The following REC114 variants were observed in gnomAD, a reference collection of about 807,000 sequenced individuals.
REC114 encodes meiotic recombination protein REC114.
A neutral mutation model predicts 31.3 loss-of-function variants in REC114; 27 were observed. That is an observed-to-expected ratio of 0.86 (90% CI 0.64 to 1.19). The LOEUF (loss-of-function observed/expected upper bound fraction) is 1.19. Ranked by LOEUF, REC114 falls within the 50% of genes most tolerant of loss-of-function variation. The pLI is 0.00. For synonymous variants in REC114, 134 were observed against 127.7 expected (o/e 1.05, Z -0.33); for missense variants, 344 against 326.9 (o/e 1.05, Z -0.40).
intron 3 of REC114, among the ~76,000 whole-genome samples, chr15:73,543,241 T>A (rs1894263827): frequency 1.3e-5 from 2 of 152,334 alleles, no homozygotes; most frequent in Middle Eastern, 3.4e-3. Context: ...TGTGTAGCTA[T>A]ATAATTTTAT....
intron 2 of REC114, among the ~76,000 whole-genome samples, chr15:73,493,267 T>C (rs1893470907): frequency 6.6e-6 from 1 of 152,158 alleles, no homozygotes; most frequent in African/African-American, 2.4e-5. Flanking sequence ...AAGCTCCTTG[T>C]TTATTTATTC....
intron 1 of REC114, among the ~76,000 whole-genome samples, chr15:73,462,710 C>G (rs565118129): frequency 4.0e-5 from 6 of 151,888 alleles, no homozygotes; most frequent in Non-Finnish European, 7.4e-5. Context: ...ACGGTGAAAC[C>G]GCATCTCCAC....
At chr15:73,500,534 A>G (rs1044617760) in intron 2 of REC114, among the ~76,000 whole-genome samples, 2 of 152,292 alleles carry the variant, frequency 1.3e-5, no homozygotes, top group East Asian at 3.9e-4. Flanking sequence ...CACTGGGGAG[A>G]GATCACGCAT....
At chr15:73,523,251 G>C (rs932697132) in intron 2 of REC114, among the ~76,000 whole-genome samples, 5 of 151,900 alleles carry the variant, frequency 3.3e-5, no homozygotes, top group Non-Finnish European at 5.9e-5. Flanking sequence ...GAATCAGGCA[G>C]CCCCTAGAAT....
chr15:73,476,681 G>A (rs1286121456), intron 2 of REC114, among the ~76,000 whole-genome samples: 1 of 152,068 alleles, frequency 6.6e-6, no homozygotes. Context: ...TATAATTTGA[G>A]ATTCATCTCT....
At chr15:73,489,276 T>C (rs1406021718) in intron 2 of REC114, among the ~76,000 whole-genome samples, 1 of 146,690 alleles carries the variant, frequency 6.8e-6, no homozygotes, top group African/African-American at 2.5e-5. Flanking sequence ...TGATCTCAGC[T>C]CACTGCAACC....
chr15:73,554,734 T>C (rs1372179497), intron 4 of REC114, among the ~76,000 whole-genome samples: 2 of 152,226 alleles, frequency 1.3e-5, no homozygotes, highest in African/African-American at 4.8e-5. Flanking sequence ...CTTCCATCTC[T>C]ATGCTGTTGC....
intron 2 of REC114, among the ~76,000 whole-genome samples, chr15:73,539,643 C>T (rs71397286): frequency 2.6e-5 from 4 of 151,762 alleles, no homozygotes; most frequent in Non-Finnish European, 5.9e-5. Flanking sequence ...TTGGGGATTT[C>T]TCAGATTACT....
At chr15:73,526,313 G>A (rs546266838) in intron 2 of REC114, among the ~76,000 whole-genome samples, 1 of 152,212 alleles carries the variant, frequency 6.6e-6, no homozygotes, top group South Asian at 2.1e-4. Flanking sequence ...CATTTAATGT[G>A]ATTTTCTGTG....
At chr15:73,518,854 A>T (rs1893898301) in intron 2 of REC114, among the ~76,000 whole-genome samples, 1 of 152,234 alleles carries the variant, frequency 6.6e-6, no homozygotes, top group African/African-American at 2.4e-5. Context: ...ACTTTAAAAG[A>T]GCTACAGGGT....
At chr15:73,513,094 G>T (rs1893798335) in intron 2 of REC114, among the ~76,000 whole-genome samples, 1 of 147,488 alleles carries the variant, frequency 6.8e-6, no homozygotes, top group African/African-American at 2.5e-5. Context: ...ATCAGACGTA[G>T]ATTTGGTCTT....
At chr15:73,540,144 G>A (rs1894218645) in intron 2 of REC114, among the ~76,000 whole-genome samples, 1 of 152,088 alleles carries the variant, frequency 6.6e-6, no homozygotes, top group South Asian at 2.1e-4. Flanking sequence ...CCCTTGATTT[G>A]GGGGAATATA....
intron 2 of REC114, among the ~76,000 whole-genome samples, chr15:73,523,543 G>A (rs1404484724): frequency 6.6e-6 from 1 of 152,214 alleles, no homozygotes; most frequent in Non-Finnish European, 1.5e-5. Flanking sequence ...CTAGGTTACA[G>A]TTCATCCACA....
chr15:73,516,926 C>G (rs1304102774), intron 2 of REC114, among the ~76,000 whole-genome samples: 1 of 152,210 alleles, frequency 6.6e-6, no homozygotes, highest in Non-Finnish European at 1.5e-5. Context: ...TGTGTCCAGC[C>G]ATGTAAAGGA....
chr15:73,517,328 A>C (rs1033773588), intron 2 of REC114, among the ~76,000 whole-genome samples: 1 of 152,218 alleles, frequency 6.6e-6, no homozygotes, highest in African/African-American at 2.4e-5. Context: ...CAAAGAAAAA[A>C]AATTTTTTTA....
At chr15:73,543,409 T>A (rs763641980) in intron 3 of REC114, among the ~76,000 whole-genome samples, 8 of 152,288 alleles carry the variant, frequency 5.3e-5, no homozygotes, top group African/African-American at 1.4e-4. Context: ...CTCAGCTCAC[T>A]GCAACCTCCT....
At chr15:73,443,481 A>G (rs997820893) in intron 1 of REC114, 137 bp downstream of exon 1, 3 of 1,022,466 alleles carry the variant, frequency 2.9e-6, no homozygotes, top group Admixed American at 5.9e-5. Flanking sequence ...TGGGGAATGG[A>G]CAGGCCGACA....
At chr15:73,456,859 A>G (rs1892922174) in intron 1 of REC114, among the ~76,000 whole-genome samples, 2 of 152,216 alleles carry the variant, frequency 1.3e-5, no homozygotes, top group African/African-American at 4.8e-5. Flanking sequence ...TATGGAATGT[A>G]GCAATTCAAT....
intron 2 of REC114, among the ~76,000 whole-genome samples, chr15:73,522,869 G>T (rs1192349186): frequency 6.6e-6 from 1 of 152,134 alleles, no homozygotes; most frequent in African/African-American, 2.4e-5. Flanking sequence ...TTTCCAAAGT[G>T]GTTGTACCAT....
Sources: gnomAD v4.1 joint callset for allele counts (sites outside exome capture counted in the v4.1 genomes callset) on GRCh38, gnomAD v4.1.1 for gene constraint, MANE v1.5 for transcripts, NCBI Gene and HGNC (gene_info 2026-07-23, HGNC 2026-07-21) for gene names.